The following CORIN variants were observed in gnomAD, a reference collection of about 807,000 sequenced individuals.
The protein encoded by CORIN is corin, serine peptidase.
In CORIN, 117 loss-of-function variants were observed where a neutral mutation model predicts 125.3. The ratio of observed to expected loss-of-function variants is 0.93; its 90% CI spans 0.80 to 1.09. The LOEUF (loss-of-function observed/expected upper bound fraction) is 1.09. CORIN is among the 50% of genes least tolerant of loss of function. CORIN has a pLI of 0.00. For missense variants in CORIN, 1,253 were observed against 1,306.7 expected, an observed-to-expected ratio of 0.96 and a Z score of 0.63; for synonymous variants, 450 against 466.4, an observed-to-expected ratio of 0.96 and a Z score of 0.45.
At chr4:47,758,059 G>A (rs992531799) in intron 4 of CORIN, among the ~76,000 whole-genome samples, 3 of 151,540 alleles carry the variant, frequency 2.0e-5, no homozygotes, top group Non-Finnish European at 2.9e-5. Context: ...GACTACAGGC[G>A]CCTGCCACTA....
chr4:47,657,200 T>G (rs914575476), intron 12 of CORIN, among the ~76,000 whole-genome samples: 2 of 152,132 alleles, frequency 1.3e-5, no homozygotes, highest in African/African-American at 4.8e-5. Flanking sequence ...AAACTTTCCA[T>G]ATTATGTGTA....
At chr4:47,788,642 A>G (rs1560549539) in intron 2 of CORIN, among the ~76,000 whole-genome samples, 2 of 152,216 alleles carry the variant, frequency 1.3e-5, no homozygotes, top group Non-Finnish European at 2.9e-5. Flanking sequence ...TTAATCAATT[A>G]CCTATAGTTT....
chr4:47,737,279 C>T (rs903096840), intron 5 of CORIN, among the ~76,000 whole-genome samples: 3 of 152,188 alleles, frequency 2.0e-5, no homozygotes, highest in Non-Finnish European at 2.9e-5. Context: ...GTGGCACATA[C>T]GTGTGATCAT....
intron 1 of CORIN, among the ~76,000 whole-genome samples, chr4:47,822,181 T>C (rs1732545300): frequency 6.6e-6 from 1 of 152,216 alleles, no homozygotes; most frequent in South Asian, 2.1e-4. Context: ...TTTTTCCTTT[T>C]TAAAAAATTT....
At chr4:47,654,543 A>T (rs997119678) in intron 12 of CORIN, among the ~76,000 whole-genome samples, 1 of 152,110 alleles carries the variant, frequency 6.6e-6, no homozygotes, top group Non-Finnish European at 1.5e-5. Flanking sequence ...TTGCATTGGA[A>T]CTCAGTGCTG....
chr4:47,806,713 T>C (rs1457066328), intron 2 of CORIN, among the ~76,000 whole-genome samples, 190 bp downstream of exon 2: 2 of 152,192 alleles, frequency 1.3e-5, no homozygotes, highest in African/African-American at 2.4e-5. Context: ...ACTCATTCAT[T>C]AATATTAATA....
At chr4:47,669,822 G>A (rs1306822388) in intron 10 of CORIN, among the ~76,000 whole-genome samples, 8 of 152,038 alleles carry the variant, frequency 5.3e-5, no homozygotes, top group African/African-American at 4.8e-5. Flanking sequence ...GCCCGCCTCG[G>A]CCTCCCAAAG....
rs61760484 is a variant in CORIN at position 47,661,876 on chromosome 4, A to C, written c.1590-20T>G. ...AATGCCCTAGATGAACAAGAAAGAC[A>C]AAACATTAGAAGCAGAAATAGCTCC... On this transcript the variant is annotated intron_variant, in intron 11 of 21. Coordinates refer to ENST00000273857, the MANE Select transcript of CORIN (RefSeq NM_006587.4). The C allele has an allele frequency of 2.4e-5, 37 of 1,569,052 alleles. No individual in the cohort carries two copies. Among genetic ancestry groups the C allele is most frequent in the Non-Finnish European group, 3.0e-5 (35 of 1,154,930 alleles).
intron 4 of CORIN, among the ~76,000 whole-genome samples, chr4:47,762,976 A>G (rs563100974): frequency 5.9e-5 from 9 of 152,202 alleles, no homozygotes; most frequent in East Asian, 5.8e-4. Flanking sequence ...TTCCCCTTCA[A>G]TCTTGGGTGG....
intron 1 of CORIN, among the ~76,000 whole-genome samples, chr4:47,811,630 G>A (rs1456149376): frequency 6.6e-6 from 1 of 152,140 alleles, no homozygotes; most frequent in Non-Finnish European, 1.5e-5. Flanking sequence ...CTCCTAAAGT[G>A]CTGAGATCAC....
rs563379846 is a variant in CORIN at position 47,617,875 on chromosome 4, A to G, written c.2540+5696T>C. Among the ~76,000 whole-genome samples the G allele has an allele frequency of 3.9e-5, 6 of 152,358 alleles. No individual in the cohort carries two copies. The South Asian group carries it at 1.0e-3, about 26-fold the overall frequency. ...ACAGAGCAGGGCAGGTGGGCAAGCA[A>G]GAACAAAGATTTTGTTCTTGGGAAT... On this transcript the variant is annotated intron_variant, in intron 19 of 21. Transcript: ENST00000273857.
At chr4:47,749,061 A>G (rs1028000583) in intron 4 of CORIN, among the ~76,000 whole-genome samples, 27 of 152,144 alleles carry the variant, frequency 1.8e-4, no homozygotes, top group African/African-American at 6.5e-4. Context: ...CTTTTGGCAA[A>G]TAAACTAATC....
rs542622098 is a variant in CORIN, at chr4:47,748,542, T to C, written c.618-3959A>G. Among the ~76,000 whole-genome samples the C allele has an allele frequency of 1.5e-3, 226 of 152,314 alleles. 1 individual carries two copies. Among genetic ancestry groups the C allele is most frequent in the African/African-American group, 4.7e-3 (195 of 41,568 alleles). ...CTATATAAATAATACTACAATATAG[T>C]GATAGTGAAGTTTTTATGGTGTTCT... On this transcript the variant is annotated intron_variant, in intron 4 of 21. Transcript: ENST00000273857.
intron 12 of CORIN, among the ~76,000 whole-genome samples, chr4:47,658,234 T>C (rs1177271870): frequency 1.3e-5 from 2 of 152,176 alleles, no homozygotes; most frequent in Admixed American, 6.5e-5. Context: ...AGGGCAGTCA[T>C]TAAATCTTAA....
intron 3 of CORIN, among the ~76,000 whole-genome samples, chr4:47,765,678 G>A (rs1318945045): frequency 6.6e-6 from 1 of 152,204 alleles, no homozygotes; most frequent in Admixed American, 6.5e-5. Flanking sequence ...ACAGAGAACA[G>A]TGTCAAACTT....
chr4:47,737,163 A>T (rs1040034498), intron 5 of CORIN, among the ~76,000 whole-genome samples: 2 of 152,248 alleles, frequency 1.3e-5, no homozygotes, highest in Non-Finnish European at 2.9e-5. Flanking sequence ...CTCAGAATGG[A>T]GAAAAACCAG....
Position 47,622,535 on chromosome 4 carries a change from T to A in CORIN, c.2540+1036A>T, listed in dbSNP as rs542268620. On this transcript the variant is annotated intron_variant, in intron 19 of 21. Transcript: ENST00000273857. ...TGTTGTTTCCTGACTTTTTAATGAT[T>A]GCCATTCTAACTGGTGTGAGATGGT... 1.3e-4 allele frequency among the ~76,000 whole-genome samples: 19 copies of A among 151,744 alleles called. No individual in the cohort carries two copies. In the South Asian group the frequency reaches 2.9e-3, roughly 24 times the overall value.
intron 21 of CORIN, among the ~76,000 whole-genome samples, chr4:47,599,468 C>G (rs1183493826): frequency 8.5e-6 from 1 of 117,002 alleles, no homozygotes; most frequent in African/African-American, 3.3e-5. Flanking sequence ...TGCTTCACAG[C>G]AGCATAGTAT....
In CORIN at chr4:47,625,927, A is replaced by T. The variant is rs1182631799; in HGVS notation, c.2315+478T>A. On this transcript the variant is annotated intron_variant, in intron 17 of 21. Transcript: ENST00000273857. ...CTACACCCCACCCATAGACAAGGGAAGCAACCCTGTTTAAGATGCAATGAT... is the reference window on the plus strand; with the variant it reads ...CTACACCCCACCCATAGACAAGGGATGCAACCCTGTTTAAGATGCAATGAT... 2.9e-3 allele frequency among the ~76,000 whole-genome samples: 446 copies of T among 152,308 alleles called. 3 individuals are homozygous for T. The highest frequency in any genetic ancestry group is 6.8e-3 in the Middle Eastern group (2 of 294).
Sources: allele counts gnomAD v4.1 joint callset (sites outside exome capture counted in the v4.1 genomes callset), GRCh38; gene constraint gnomAD v4.1.1; transcripts MANE v1.5; gene names NCBI Gene and HGNC (gene_info 2026-07-23, HGNC 2026-07-21).